The following SPECC1 variants were observed in gnomAD, a reference collection of about 807,000 sequenced individuals.
The protein encoded by SPECC1 is cytospin-B.
Under a neutral mutation model 104.1 loss-of-function variants are expected in SPECC1, and 62 were observed. The ratio of observed to expected loss-of-function variants is 0.60; its 90% confidence interval spans 0.49 to 0.74. The LOEUF is 0.74. Among genes scored for constraint, SPECC1 ranks in the 30% least tolerant of loss-of-function variants. The probability of loss-of-function intolerance (pLI) is 0.00; values close to 1 mark genes in which losing one functional copy is unlikely to be tolerated. For missense variants in SPECC1, 1,306 were observed against 1,310.5 expected, an observed-to-expected ratio of 1.00 and a Z score of 0.05; for synonymous variants, 513 against 501.6, an observed-to-expected ratio of 1.02 and a Z score of -0.30.
At chr17:20,247,401 C>A in intron 9 of SPECC1, 82 bp downstream of exon 9, 1 of 942,288 alleles carries the variant, frequency 1.1e-6, no homozygotes, top group Non-Finnish European at 1.7e-6. Context: ...TATTAGTGTC[C>A]GTGTGTGTAT....
intron 3 of SPECC1, among the ~76,000 whole-genome samples, chr17:20,164,459 C>T (rs2033467538): frequency 6.6e-6 from 1 of 152,082 alleles, no homozygotes; most frequent in African/African-American, 2.4e-5. Context: ...TGCCTGGCCC[C>T]ATATAATTTT....
At chr17:20,045,644 G>A (rs1199234635) in intron 1 of SPECC1, among the ~76,000 whole-genome samples, 1 of 152,098 alleles carries the variant, frequency 6.6e-6, no homozygotes, top group Non-Finnish European at 1.5e-5. Flanking sequence ...ACCCTTCCAG[G>A]GACATCTGTA....
At chr17:20,189,433 C>T (rs2035505048) in intron 3 of SPECC1, among the ~76,000 whole-genome samples, 1 of 152,200 alleles carries the variant, frequency 6.6e-6, no homozygotes, top group South Asian at 2.1e-4. Context: ...TTGCACTTTT[C>T]AAATGGCCTG....
intron 12 of SPECC1, 53 bp from the exon 13 acceptor site, chr17:20,296,908 A>G (rs2041371057): frequency 3.3e-6 from 5 of 1,518,482 alleles, no homozygotes; most frequent in Non-Finnish European, 4.6e-6. Flanking sequence ...CTCATCTGTG[A>G]TACTGCACAG....
intron 7 of SPECC1, among the ~76,000 whole-genome samples, chr17:20,240,092 T>G (rs1188732726): frequency 2.4e-5 from 3 of 126,706 alleles, no homozygotes; most frequent in African/African-American, 1.1e-4. Flanking sequence ...TTTTTTTTTT[T>G]GGTAGACACG....
chr17:20,058,965 G>A (rs891682060), intron 1 of SPECC1, among the ~76,000 whole-genome samples: 3 of 149,374 alleles, frequency 2.0e-5, no homozygotes, highest in African/African-American at 7.4e-5. Flanking sequence ...TCAGCCTCTC[G>A]AGTAGCTGGG....
intron 9 of SPECC1, among the ~76,000 whole-genome samples, chr17:20,249,880 G>T (rs1019166322): frequency 2.0e-5 from 3 of 152,134 alleles, no homozygotes; most frequent in African/African-American, 4.8e-5. Context: ...GAGCAGAAGT[G>T]ATATTGGAAG....
chr17:20,015,783 A>G (rs545273379), intron 1 of SPECC1, among the ~76,000 whole-genome samples: 61 of 149,486 alleles, frequency 4.1e-4, no homozygotes, highest in African/African-American at 1.4e-3. Flanking sequence ...ACGGGGTTTC[A>G]CTGTGTTAAC....
At chr17:20,019,718 A>T (rs2044296815) in intron 1 of SPECC1, among the ~76,000 whole-genome samples, 1 of 152,132 alleles carries the variant, frequency 6.6e-6, no homozygotes, top group Non-Finnish European at 1.5e-5. Context: ...CCATATACAG[A>T]TGGTAGTGGC....
intron 3 of SPECC1, among the ~76,000 whole-genome samples, chr17:20,202,080 C>T (rs1304338580): frequency 2.0e-5 from 3 of 152,172 alleles, no homozygotes; most frequent in African/African-American, 7.2e-5. Flanking sequence ...CTTATGCACA[C>T]ACAGACTGTA....
At chr17:20,163,201 G>C (rs2033331855) in intron 3 of SPECC1, among the ~76,000 whole-genome samples, 1 of 152,104 alleles carries the variant, frequency 6.6e-6, no homozygotes, top group African/African-American at 2.4e-5. Flanking sequence ...CTGCAGAAAA[G>C]CTTGTTTATA....
At chr17:20,274,151 A>T (rs1321344657) in intron 12 of SPECC1, among the ~76,000 whole-genome samples, 1 of 152,202 alleles carries the variant, frequency 6.6e-6, no homozygotes, top group Non-Finnish European at 1.5e-5. Context: ...TTTTTCCCCC[A>T]GATGGATGGC....
intron 12 of SPECC1, among the ~76,000 whole-genome samples, chr17:20,280,091 G>C (rs1186274185): frequency 6.6e-6 from 1 of 152,210 alleles, no homozygotes; most frequent in Admixed American, 6.5e-5. Flanking sequence ...GTGCAGAGAG[G>C]TGCATGGGAG....
chr17:20,156,620 C>A (rs1028396746), intron 3 of SPECC1, among the ~76,000 whole-genome samples: 1 of 152,076 alleles, frequency 6.6e-6, no homozygotes, highest in Non-Finnish European at 1.5e-5. Flanking sequence ...TGTCGGCCGC[C>A]GGCCCCGCAG....
intron 1 of SPECC1, among the ~76,000 whole-genome samples, chr17:20,074,425 G>T (rs992039223): frequency 6.6e-6 from 1 of 152,036 alleles, no homozygotes; most frequent in Non-Finnish European, 1.5e-5. Flanking sequence ...CCCATCACAG[G>T]GCTGAAGATA....
At chr17:20,142,827 CA>C (rs35579592) in intron 3 of SPECC1, among the ~76,000 whole-genome samples, 66 of 142,328 alleles carry the variant, frequency 4.6e-4, no homozygotes, top group African/African-American at 1.1e-3. Flanking sequence ...CTATCTTTAC[CA>C]AAAAAAAAAA....
chr17:20,231,153 A>AG (rs1290492449), intron 5 of SPECC1, among the ~76,000 whole-genome samples: 18 of 151,938 alleles, frequency 1.2e-4, no homozygotes, highest in East Asian at 3.9e-4. Context: ...GAGGCAGGCA[A>AG]CCACCTGGGA....
At chr17:20,047,147 G>T (rs1022589418) in intron 1 of SPECC1, among the ~76,000 whole-genome samples, 1 of 152,244 alleles carries the variant, frequency 6.6e-6, no homozygotes, top group Non-Finnish European at 1.5e-5. Flanking sequence ...TCTTGAGTAT[G>T]AGAATGCTTG....
In SPECC1 at chr17:20,129,181, G is replaced by GT. The variant is rs553889007; in HGVS notation, c.283+18628dup. On this transcript the variant is annotated intron_variant, in intron 3 of 14. Coordinates refer to ENST00000395527, the MANE Select transcript of SPECC1 (RefSeq NM_001243439.2). ...TGAGCCACTGTGCCTGGCCTGTTTTGTTTTTTTTTGTTTTTTTTTTTTGAG... is the reference window on the plus strand; with the variant it reads ...TGAGCCACTGTGCCTGGCCTGTTTTGTTTTTTTTTTGTTTTTTTTTTTTGAG... Among the ~76,000 whole-genome samples, 262 of 136,494 alleles carry GT rather than the reference G, an allele frequency of 1.9e-3. 1 individual carries two copies. The highest frequency in any genetic ancestry group is 0.016 in the South Asian group (66 of 4,156). The allele number at this position is 136,494 out of a possible 152,430, so 89.5% of individuals were successfully genotyped here.
Sources: allele counts gnomAD v4.1 joint callset (sites outside exome capture counted in the v4.1 genomes callset), GRCh38; gene constraint gnomAD v4.1.1; transcripts MANE v1.5; gene names NCBI Gene and HGNC (gene_info 2026-07-23, HGNC 2026-07-21).